Variants in TGM3 observed in about 807,000 individuals in gnomAD.
TGM3 encodes protein-glutamine gamma-glutamyltransferase E.
A neutral mutation model predicts 73.8 loss-of-function variants in TGM3; 52 were observed. The observed-to-expected ratio is 0.70, with a 90% confidence interval of 0.56 to 0.89. TGM3 has a LOEUF of 0.89. Among genes scored for constraint, TGM3 ranks in the 40% least tolerant of loss-of-function variants. TGM3 has a pLI of 0.00. For synonymous variants in TGM3, 372 were observed against 354.9 expected, an observed-to-expected ratio of 1.05 and a Z score of -0.54; for missense variants, 928 against 909.9, an observed-to-expected ratio of 1.02 and a Z score of -0.26.
At chr20:2,303,409 G>A (rs1489795031) in intron 1 of TGM3, among the ~76,000 whole-genome samples, 2 of 152,112 alleles carry the variant, frequency 1.3e-5, no homozygotes, top group East Asian at 3.8e-4. Flanking sequence ...GAAATGGGGA[G>A]TTCCTGCTAA....
At chr20:2,298,353 A>G (rs1260163372) in intron 1 of TGM3, among the ~76,000 whole-genome samples, 9 of 152,090 alleles carry the variant, frequency 5.9e-5, no homozygotes. Context: ...AGCACAGAGG[A>G]GGGCCCCAGT....
chr20:2,332,399 TAGTC>T lies in TGM3; in HGVS notation c.1642+92_1642+95del. ...GCAGGGTGTCTGCTGGGCTCCAGGT[TAGTC>T]AGCTACGAATGGAGCAGCCAGCGGC... On this transcript the variant is annotated intron_variant, in intron 10 of 12. Coordinates refer to ENST00000381458, the MANE Select transcript of TGM3 (RefSeq NM_003245.4). This position sits in a 1 kb window ranked among gnomAD's most constrained non-coding sequence, Gnocchi z 4.4. The T allele has an allele frequency of 7.6e-7, 1 of 1,312,648 alleles. No homozygotes were observed. Among genetic ancestry groups the T allele is most frequent in the Non-Finnish European group, 1.0e-6 (1 of 979,172 alleles). The allele number at this position is 1,312,648 out of a possible 1,614,324, so 81.3% of individuals were successfully genotyped here.
Position 2,332,070 on chromosome 20 carries a change from G to T in TGM3, c.1402G>T (p.Ala468Ser). 1 of 1,614,154 alleles carries T rather than the reference G, an allele frequency of 6.2e-7. No homozygotes were observed. The highest frequency in any genetic ancestry group is 8.5e-7 in the Non-Finnish European group (1 of 1,180,032). Residue 468 changes from alanine (A) to serine (S), a missense_variant, in exon 10 of 13, where the codon GCG (alanine) becomes TCG (serine). Transcript: ENST00000381458. The surrounding 1 kb of genome is among the most constrained non-coding windows in gnomAD (Gnocchi z 4.4). ...GKLKPNTPFA[A>S]TSSMGLETEE... The stretch of plus-strand genomic sequence containing the variant: ...ACTTAAACCCAACACGCCATTTGCC[G>T]CGACGTCTTCAATGGGTTTGGAAAC...
chr20:2,316,358 C>T, intron 5 of TGM3, among the ~76,000 whole-genome samples: 1 of 152,064 alleles, frequency 6.6e-6, no homozygotes, highest in Admixed American at 6.6e-5. Context: ...GTGGGCAGAT[C>T]ACTTGAGGTC....
Position 2,339,956 on chromosome 20 carries a change from A to G in TGM3, c.1903A>G (p.Ser635Gly), listed in dbSNP as rs2084371450. The G allele has an allele frequency of 7.1e-7, 1 of 1,401,790 alleles. No individual in the cohort carries two copies. Among genetic ancestry groups the G allele is most frequent in the Non-Finnish European group, 9.5e-7 (1 of 1,050,776 alleles). 86.8% of individuals were successfully genotyped at this position (1,401,790 alleles called of 1,614,324 possible). ...GGACTGCGTGCTGATGGTGGAGGGA[A>G]GCGGCCTGCTGTTGGGTAACCTGAA... ...VRDCVLMVEGSGLLLGNLKID... is the reference protein window; with the variant it reads ...VRDCVLMVEGGGLLLGNLKID... The change falls in exon 12 of 13, where the codon AGC becomes GGC. Residue 635 changes from serine (S) to glycine (G), a missense_variant. Transcript: ENST00000381458.
At chr20:2,304,472 C>A (rs747988124) in intron 1 of TGM3, among the ~76,000 whole-genome samples, 5 of 152,108 alleles carry the variant, frequency 3.3e-5, no homozygotes, top group Non-Finnish European at 7.4e-5. Context: ...TCGCTCTCTC[C>A]CCTCTGTCGG....
At position 2,332,011 on chromosome 20, in the gene TGM3, A is replaced by G. The variant is rs767095384; in HGVS notation, c.1343A>G (p.Gln448Arg). The stretch of plus-strand genomic sequence containing the variant: ...TTTTCCCACCACACAGGCTCTGACC[A>G]GGAAAGACAAGTGTTCCAAAAGGCT... ...DKYKYPEGSD[Q>R]ERQVFQKALG... Residue 448 changes from glutamine to arginine, a missense_variant, in exon 10 of 13, where the codon CAG becomes CGG. Transcript: ENST00000381458. This position sits in a 1 kb window ranked among gnomAD's most constrained non-coding sequence, Gnocchi z 4.4. 6.2e-7 allele frequency: 1 copy of G among 1,604,470 alleles called. No homozygotes were observed. Among genetic ancestry groups the G allele is most frequent in the South Asian group, 1.1e-5 (1 of 89,364 alleles).
At chr20:2,335,892 G>T (rs952824265) in intron 11 of TGM3, among the ~76,000 whole-genome samples, 2 of 152,220 alleles carry the variant, frequency 1.3e-5, no homozygotes, top group Non-Finnish European at 2.9e-5. Flanking sequence ...AAGGCCCAGA[G>T]AGAAGGGAAC....
chr20:2,328,022 G>C lies in TGM3; in HGVS notation c.1088-98G>C. ...GGTGAAGGAATTTGGGCGGGGCAGA[G>C]GCAGGGGGTTGCAGTGGTCCTGGAA... On this transcript the variant is annotated intron_variant, in intron 8 of 12. Coordinates refer to ENST00000381458, the MANE Select transcript of TGM3 (RefSeq NM_003245.4). This position sits in a 1 kb window ranked among gnomAD's most constrained non-coding sequence, Gnocchi z 5.2. 1 of 1,553,764 alleles carries C rather than the reference G, an allele frequency of 6.4e-7. No homozygotes were observed. The highest frequency in any genetic ancestry group is 8.8e-7 in the Non-Finnish European group (1 of 1,140,796).
At chr20:2,303,161 C>T (rs1377281949) in intron 1 of TGM3, among the ~76,000 whole-genome samples, 3 of 151,854 alleles carry the variant, frequency 2.0e-5, no homozygotes, top group Non-Finnish European at 2.9e-5. Context: ...ATTAGCCGGG[C>T]GTGGTGGTGC....
rs774229659 is a variant in TGM3, at chr20:2,328,400, G to C, written c.1333+35G>C. On this transcript the variant is annotated intron_variant, in intron 9 of 12. Transcript: ENST00000381458. This position sits in a 1 kb window ranked among gnomAD's most constrained non-coding sequence, Gnocchi z 5.2. ...ACGCTGGCGGGGCAGTGCCGCGAGA[G>C]GTTCTATTGTGGGAGGATGGCTCTG... 1.9e-6 allele frequency: 3 copies of C among 1,610,912 alleles called. No individual in the cohort carries two copies. The highest frequency in any genetic ancestry group is 2.5e-6 in the Non-Finnish European group (3 of 1,177,926).
intron 5 of TGM3, among the ~76,000 whole-genome samples, chr20:2,315,912 G>A (rs1230068821): frequency 6.6e-6 from 1 of 152,186 alleles, no homozygotes; most frequent in Non-Finnish European, 1.5e-5. Flanking sequence ...CTACATAAAA[G>A]TAGAGAGAAA....
At chr20:2,325,242 C>T (rs1411166468) in intron 7 of TGM3, among the ~76,000 whole-genome samples, 4 of 152,148 alleles carry the variant, frequency 2.6e-5, no homozygotes, top group Admixed American at 2.6e-4. Flanking sequence ...TGAGTAAGAC[C>T]TTGGCTACCT....
At chr20:2,298,719 T>G (rs2122203026) in intron 1 of TGM3, among the ~76,000 whole-genome samples, 1 of 152,268 alleles carries the variant, frequency 6.6e-6, no homozygotes, top group South Asian at 2.1e-4. Flanking sequence ...TGCTCTTGGG[T>G]TCTGGCCTCC....
intron 2 of TGM3, 38 bp from the exon 3 acceptor site, chr20:2,310,140 T>C: frequency 3.7e-6 from 6 of 1,612,100 alleles, no homozygotes; most frequent in Non-Finnish European, 5.1e-6. Flanking sequence ...GTCTGACCAG[T>C]GCTTGTTGGT....
chr20:2,325,266 G>T (rs768348271), intron 7 of TGM3, among the ~76,000 whole-genome samples: 3 of 152,216 alleles, frequency 2.0e-5, no homozygotes, highest in Non-Finnish European at 4.4e-5. Flanking sequence ...TGTGCCCGGT[G>T]AGGGGTGAGT....
chr20:2,313,137 T>G, intron 5 of TGM3, 111 bp downstream of exon 5: 6 of 1,454,802 alleles, frequency 4.1e-6, no homozygotes, highest in Non-Finnish European at 5.6e-6. Context: ...CCTCACCAAT[T>G]ACAGCTGGTG....
rs45575737 is a variant in TGM3, at chr20:2,321,497, C to T, written c.983+4012C>T. On this transcript the variant is annotated intron_variant, in intron 7 of 12. Transcript: ENST00000381458. ...GAAGGGCAGGGTTTGGGGCCACTTT[C>T]TAGGCAAGGTCTCCTAACTCTGTGA... 6.3e-3 allele frequency among the ~76,000 whole-genome samples: 956 copies of T among 152,222 alleles called. 12 individuals are homozygous for T. The highest frequency in any genetic ancestry group is 0.022 in the African/African-American group (899 of 41,516).
At position 2,311,036 on chromosome 20, in the gene TGM3, C is replaced by T. The variant is rs111464324; in HGVS notation, c.447C>T (p.His149=). The change falls in exon 4 of 13, where the codon CAC becomes CAT. Residue 149 remains histidine (H), a synonymous_variant. Coordinates refer to ENST00000381458, the MANE Select transcript of TGM3 (RefSeq NM_003245.4). The part of the protein sequence containing the change: ...LNVDSVFMGN[H]AEREEYVQED... The stretch of plus-strand genomic sequence containing the variant: ...TGGATAGCGTCTTTATGGGTAACCA[C>T]GCTGAGAGAGAAGAGTATGTTCAGG... The T allele has an allele frequency of 2.0e-4, 315 of 1,614,010 alleles. 3 individuals carry two copies. In the Middle Eastern group the frequency reaches 5.3e-3, roughly 27 times the overall value.
Sources: gnomAD v4.1 joint callset for allele counts (sites outside exome capture counted in the v4.1 genomes callset) on GRCh38, gnomAD v4.1.1 for gene constraint, Gnocchi (gnomAD v3.1) non-coding constraint, MANE v1.5 for transcripts, NCBI Gene and HGNC (gene_info 2026-07-23, HGNC 2026-07-21) for gene names.